The following LRRK2 variants were observed in gnomAD, a reference collection of about 807,000 sequenced individuals.
The protein encoded by LRRK2 is leucine-rich repeat serine/threonine-protein kinase 2.
LRRK2 carries 203 observed loss-of-function variants against 302.6 expected under a neutral mutation model. That is an observed-to-expected ratio of 0.67 (90% CI 0.60 to 0.75). The LOEUF (loss-of-function observed/expected upper bound fraction) is 0.75. Ranked by LOEUF, LRRK2 falls within the 30% of genes least tolerant of loss-of-function variation. LRRK2 has a pLI of 0.00. For synonymous variants in LRRK2, 1,066 were observed against 1,031.9 expected, an observed-to-expected ratio of 1.03 and a Z score of -0.63; for missense variants, 2,830 against 2,951.0, an observed-to-expected ratio of 0.96 and a Z score of 0.95.
At chr12:40,262,754 T>C (rs1565690862) in intron 13 of LRRK2, among the ~76,000 whole-genome samples, 1 of 152,210 alleles carries the variant, frequency 6.6e-6, no homozygotes, top group Non-Finnish European at 1.5e-5. Flanking sequence ...CATGATGTTT[T>C]TACTACTCAG....
intron 24 of LRRK2, 138 bp from the exon 25 acceptor site, chr12:40,298,971 C>A: frequency 1.7e-6 from 1 of 580,514 alleles, no homozygotes; most frequent in Non-Finnish European, 2.7e-6. Context: ...TATCAACTGA[C>A]TTACATTTTT....
intron 3 of LRRK2, among the ~76,000 whole-genome samples, chr12:40,233,570 A>G (rs1941300110): frequency 6.6e-6 from 1 of 152,244 alleles, no homozygotes; most frequent in African/African-American, 2.4e-5. Context: ...CTCGTCTTCA[A>G]TCTAATCTCT....
chr12:40,234,694 T>A (rs748306722), intron 3 of LRRK2, among the ~76,000 whole-genome samples: 1 of 152,146 alleles, frequency 6.6e-6, no homozygotes, highest in Admixed American at 6.5e-5. Context: ...TTTTAATATA[T>A]CATTAATTTC....
chr12:40,348,628 A>G, intron 43 of LRRK2, 119 bp downstream of exon 43: 1 of 744,390 alleles, frequency 1.3e-6, no homozygotes, highest in Non-Finnish European at 2.2e-6. Flanking sequence ...AATTAAAAAT[A>G]GTTATAAGGC....
At chr12:40,247,578 TTA>T (rs1942050155) in intron 7 of LRRK2, among the ~76,000 whole-genome samples, 2 of 94,994 alleles carry the variant, frequency 2.1e-5, no homozygotes, top group Non-Finnish European at 5.4e-5. Context: ...ATATACATAT[TTA>T]TACACAGATG....
Position 40,368,370 on chromosome 12 carries a change from T to C in LRRK2, c.*605T>C, listed in dbSNP as rs1404246882. 6.6e-6 allele frequency: 1 copy of C among 151,896 alleles called. No individual in the cohort carries two copies. 9.4% of individuals were successfully genotyped at this position (151,896 alleles called of 1,614,324 possible). A position where few individuals can be genotyped will look rare whatever the true frequency, so the allele number is the denominator to read the frequency against. ...TCACTCAATTCAAAAGAAAACTCCA[T>C]TAAAAGTACTAATGAAAAAACATGA... is the stretch of plus-strand genomic sequence containing the variant. On this transcript the variant is annotated 3_prime_UTR_variant, in exon 51 of 51. Coordinates refer to ENST00000298910, the MANE Select transcript of LRRK2 (RefSeq NM_198578.4).
intron 50 of LRRK2, 99 bp downstream of exon 50, chr12:40,367,176 G>C: frequency 1.0e-6 from 1 of 981,964 alleles, no homozygotes; most frequent in South Asian, 1.4e-5. Flanking sequence ...ATTACATATG[G>C]TATAATCAGG....
rs1484598204 is a variant in LRRK2, at chr12:40,295,465, A to G, written c.2917A>G (p.Ser973Gly). The G allele has an allele frequency of 1.2e-6, 2 of 1,613,720 alleles. No homozygotes were observed. The highest frequency in any genetic ancestry group is 1.7e-6 in the Non-Finnish European group (2 of 1,179,974). The change falls in exon 23 of 51, where the codon AGC becomes GGC. Residue 973 changes from serine to glycine, a missense_variant. Ser to Gly is a moderately conservative substitution (Grantham distance 56). Transcript: ENST00000298910. ...KLQSHMRHSD[S>G]ISSLASEREY... ...TCAATCCCATATGAGGCATTCAGAC[A>G]GCATTTCTTCTCTGGCTTCTGAGAG...
At chr12:40,234,793 A>G (rs1941375573) in intron 3 of LRRK2, among the ~76,000 whole-genome samples, 1 of 152,230 alleles carries the variant, frequency 6.6e-6, no homozygotes, top group Middle Eastern at 3.4e-3. Flanking sequence ...TTATATCTCT[A>G]TATTTTAATA....
At position 40,295,426 on chromosome 12, in the gene LRRK2, G is replaced by A. The variant is rs1424227058; in HGVS notation, c.2879-1G>A. 6.2e-7 allele frequency: 1 copy of A among 1,610,866 alleles called. No homozygotes were observed. The highest frequency in any genetic ancestry group is 2.2e-5 in the East Asian group (1 of 44,858). On this transcript the variant is annotated splice_acceptor_variant, in intron 22 of 50. Coordinates refer to ENST00000298910, the MANE Select transcript of LRRK2 (RefSeq NM_198578.4). LOFTEE classifies it high-confidence loss of function. ...CATTGTTTGTTTGTTTTTGACAAAA[G>A]GGTCATCAAAACTTCAATCCCATAT... is the stretch of plus-strand genomic sequence containing the variant.
At chr12:40,321,760 T>G (rs1396877043) in intron 35 of LRRK2, among the ~76,000 whole-genome samples, 1 of 152,060 alleles carries the variant, frequency 6.6e-6, no homozygotes, top group Non-Finnish European at 1.5e-5. Context: ...TTATGAGGAT[T>G]TATTTATGAT....
At position 40,322,068 on chromosome 12, in the gene LRRK2, G is replaced by A. The variant is rs779100383; in HGVS notation, c.5204G>A (p.Arg1735Gln). Reference sequence around the variant, plus strand: ...CTTCGCCCAAACAGAATGTATTGGCGACAAGGCATTTACTTAAATTGGTCT... The same window carrying A: ...CTTCGCCCAAACAGAATGTATTGGCAACAAGGCATTTACTTAAATTGGTCT... The part of the protein sequence containing the change: ...RALRPNRMYW[R>Q]QGIYLNWSPE... Residue 1735 changes from arginine (R) to glutamine (Q), a missense_variant, in exon 36 of 51, where the codon CGA becomes CAA. Arg to Gln is a conservative substitution (Grantham distance 43, BLOSUM62 1). Coordinates refer to ENST00000298910, the MANE Select transcript of LRRK2 (RefSeq NM_198578.4). 6 of 1,613,332 alleles carry A rather than the reference G, an allele frequency of 3.7e-6. No homozygotes were observed. Among genetic ancestry groups the A allele is most frequent in the South Asian group, 1.1e-5 (1 of 91,054 alleles).
At chr12:40,247,192 A>T (rs1316957207) in intron 7 of LRRK2, among the ~76,000 whole-genome samples, 2 of 152,100 alleles carry the variant, frequency 1.3e-5, no homozygotes, top group African/African-American at 4.8e-5. Flanking sequence ...TCCCCTGTGT[A>T]ATTTGGAAAT....
chr12:40,242,517 G>A (rs1230059377), intron 6 of LRRK2, among the ~76,000 whole-genome samples: 2 of 151,042 alleles, frequency 1.3e-5, no homozygotes, highest in African/African-American at 2.4e-5. Flanking sequence ...CCTCTCTTTC[G>A]TTCTCCCATC....
chr12:40,287,158 G>T (rs1312635860), intron 19 of LRRK2, among the ~76,000 whole-genome samples, 193 bp from the exon 20 acceptor site: 1 of 151,792 alleles, frequency 6.6e-6, no homozygotes, highest in Non-Finnish European at 1.5e-5. Flanking sequence ...TTGTGTACAT[G>T]GTTATGTTTT....
In LRRK2 at chr12:40,305,766, C is replaced by T; in HGVS notation, c.3778-19C>T. ...CTTCCTTCCCACCAACAGGTTTTGC[C>T]CTTTTTTTTCCCATTAAGATTCCTC... On this transcript the variant is annotated intron_variant, in intron 27 of 50. Coordinates refer to ENST00000298910, the MANE Select transcript of LRRK2 (RefSeq NM_198578.4). The T allele has an allele frequency of 1.2e-6, 2 of 1,612,178 alleles. No individual in the cohort carries two copies. The highest frequency in any genetic ancestry group is 1.3e-5 in the African/African-American group (1 of 74,906).
At chr12:40,231,556 C>G (rs922499728) in intron 2 of LRRK2, among the ~76,000 whole-genome samples, 1 of 120,864 alleles carries the variant, frequency 8.3e-6, no homozygotes, top group African/African-American at 3.1e-5. Flanking sequence ...GAGACCCTAT[C>G]TCAAAAACAA....
intron 31 of LRRK2, chr12:40,312,998 G>T (rs1389628161): frequency 2.0e-5 from 3 of 151,930 alleles, no homozygotes; most frequent in African/African-American, 4.8e-5. Flanking sequence ...TGGAAGTAAT[G>T]GTTATGGTTG....
chr12:40,298,447 A>G lies in LRRK2; in HGVS notation c.3301A>G (p.Asn1101Asp), dbSNP rs766332077. Residue 1101 changes from asparagine (N) to aspartate (D), a missense_variant, in exon 24 of 51, where the codon AAC becomes GAC. Around this residue, in one of 3 missense-constraint regions of LRRK2, gnomAD observed 2,121 missense variants for 2,148.0 expected, o/e 0.99. Coordinates refer to ENST00000298910, the MANE Select transcript of LRRK2 (RefSeq NM_198578.4). Reference sequence around the variant, plus strand: ...TAACCAGCTGTCTTTTGTACCTGAGAACCTCACTGATGTGGTAGAGAAACT... The same window carrying G: ...TAACCAGCTGTCTTTTGTACCTGAGGACCTCACTGATGTGGTAGAGAAACT... ...SYNQLSFVPE[N>D]LTDVVEKLEQ... The G allele has an allele frequency of 1.2e-6, 2 of 1,613,836 alleles. No homozygotes were observed. Among genetic ancestry groups the G allele is most frequent in the Non-Finnish European group, 1.7e-6 (2 of 1,179,968 alleles).
Sources: allele counts gnomAD v4.1 joint callset (sites outside exome capture counted in the v4.1 genomes callset), GRCh38; gene constraint gnomAD v4.1.1; regional missense constraint gnomAD v4.1.1; transcripts MANE v1.5; gene names NCBI Gene and HGNC (gene_info 2026-07-23, HGNC 2026-07-21).